Variants in MACROD2 observed in about 807,000 individuals in gnomAD.
MACROD2 encodes the protein ADP-ribose glycohydrolase MACROD2.
In MACROD2, 36 loss-of-function variants were observed where a neutral mutation model predicts 70.4. That is an observed-to-expected ratio of 0.51 (90% CI 0.39 to 0.68). The LOEUF is 0.68. MACROD2 is among the 30% of genes least tolerant of loss of function. MACROD2 has a pLI of 0.00. For synonymous variants in MACROD2, 172 were observed against 178.8 expected, an observed-to-expected ratio of 0.96 and a Z score of 0.30; for missense variants, 496 against 538.4, an observed-to-expected ratio of 0.92 and a Z score of 0.78.
intron 3 of MACROD2, among the ~76,000 whole-genome samples, chr20:14,317,278 G>A (rs1281065342): frequency 6.6e-6 from 1 of 151,926 alleles, no homozygotes; most frequent in East Asian, 1.9e-4. Flanking sequence ...CTCTTTCATG[G>A]TACCTATCAT....
intron 3 of MACROD2, among the ~76,000 whole-genome samples, chr20:14,100,467 A>G (rs947153053): frequency 2.0e-4 from 30 of 149,974 alleles, no homozygotes; most frequent in African/African-American, 6.8e-4. Flanking sequence ...TTTTCCAACT[A>G]TAACACTGAT....
chr20:15,079,596 A>G (rs1208596906), intron 5 of MACROD2, among the ~76,000 whole-genome samples: 1 of 151,626 alleles, frequency 6.6e-6, no homozygotes, highest in African/African-American at 2.4e-5. Flanking sequence ...CTTAACATTC[A>G]CACCTCCCTG....
chr20:15,934,929 T>A (rs1266041835), intron 11 of MACROD2, among the ~76,000 whole-genome samples: 1 of 152,086 alleles, frequency 6.6e-6, no homozygotes, highest in Non-Finnish European at 1.5e-5. Context: ...TCTCAAGTGA[T>A]CTGCCCGCCT....
At chr20:15,678,195 T>C (rs2050097881) in intron 8 of MACROD2, among the ~76,000 whole-genome samples, 1 of 152,176 alleles carries the variant, frequency 6.6e-6, no homozygotes, top group African/African-American at 2.4e-5. Flanking sequence ...ATTGAATTAG[T>C]GTGTAAACCA....
intron 5 of MACROD2, among the ~76,000 whole-genome samples, chr20:15,080,139 T>TA (rs975798907): frequency 8.5e-5 from 12 of 141,194 alleles, no homozygotes; most frequent in South Asian, 4.4e-4. Flanking sequence ...AATAAATAAA[T>TA]AAATAAATAA....
intron 6 of MACROD2, among the ~76,000 whole-genome samples, chr20:15,322,496 G>T (rs762361044): frequency 2.8e-5 from 4 of 144,070 alleles, no homozygotes; most frequent in African/African-American, 7.4e-5. Flanking sequence ...GGAAACCCTA[G>T]TTCTTTATTG....
intron 8 of MACROD2, among the ~76,000 whole-genome samples, chr20:15,514,412 A>C (rs535737055): frequency 2.0e-5 from 3 of 152,316 alleles, no homozygotes; most frequent in Non-Finnish European, 4.4e-5. Context: ...ATGTTCAGAT[A>C]TGTTTAGATA....
At chr20:14,803,641 T>A (rs979359660) in intron 5 of MACROD2, among the ~76,000 whole-genome samples, 2 of 151,834 alleles carry the variant, frequency 1.3e-5, no homozygotes, top group Admixed American at 1.3e-4. Flanking sequence ...CCACCACACC[T>A]GGCTAATTTT....
At chr20:14,851,285 G>A (rs73266767) in intron 5 of MACROD2, among the ~76,000 whole-genome samples, 4,134 of 152,088 alleles carry the variant, frequency 0.027, 193 homozygotes, top group African/African-American at 0.094. Context: ...CAAATTAACC[G>A]TCCTCTTTCA....
intron 4 of MACROD2, among the ~76,000 whole-genome samples, chr20:14,523,173 A>G (rs1242549329): frequency 1.3e-5 from 2 of 152,292 alleles, no homozygotes; most frequent in Admixed American, 6.5e-5. Flanking sequence ...GCAAAGGGAT[A>G]GTTACAACTC....
chr20:15,182,741 A>G (rs1312586095), intron 5 of MACROD2, among the ~76,000 whole-genome samples: 1 of 152,134 alleles, frequency 6.6e-6, no homozygotes, highest in Non-Finnish European at 1.5e-5. Flanking sequence ...CTTTTACAAA[A>G]TTCATTCATT....
chr20:14,476,735 A>T (rs972452875), intron 3 of MACROD2, among the ~76,000 whole-genome samples: 3 of 152,236 alleles, frequency 2.0e-5, no homozygotes, highest in Non-Finnish European at 2.9e-5. Context: ...AGAAACAGTG[A>T]GCAATATCTG....
chr20:14,211,131 G>A (rs1180231326), intron 3 of MACROD2, among the ~76,000 whole-genome samples: 2 of 152,160 alleles, frequency 1.3e-5, no homozygotes, highest in African/African-American at 4.8e-5. Flanking sequence ...TATACATTGT[G>A]GATTCCTTTA....
At chr20:14,578,388 A>C (rs1014469849) in intron 4 of MACROD2, among the ~76,000 whole-genome samples, 2 of 152,106 alleles carry the variant, frequency 1.3e-5, no homozygotes, top group Non-Finnish European at 2.9e-5. Flanking sequence ...TTTATTTTGT[A>C]TATTGTAGGC....
chr20:14,732,616 G>A (rs780427171), intron 5 of MACROD2, among the ~76,000 whole-genome samples: 12 of 152,114 alleles, frequency 7.9e-5, no homozygotes, highest in Non-Finnish European at 1.5e-4. Flanking sequence ...AAGGAAAGTC[G>A]ATGTTTTAGC....
chr20:14,814,105 TC>T (rs1449773961), intron 5 of MACROD2, among the ~76,000 whole-genome samples: 2 of 152,112 alleles, frequency 1.3e-5, no homozygotes, highest in African/African-American at 4.8e-5. Context: ...CAATATCATA[TC>T]CCTGCAGCCA....
chr20:15,313,429 C>T (rs13044795), intron 6 of MACROD2, among the ~76,000 whole-genome samples: 2,723 of 150,460 alleles, frequency 0.018, 38 homozygotes, highest in Non-Finnish European at 0.024. Context: ...ATGGCATGAT[C>T]CTGGGAGACG....
Position 15,095,121 on chromosome 20 carries a change from G to A in MACROD2, c.419-134819G>A, listed in dbSNP as rs1283240718. 2.2e-5 allele frequency among the ~76,000 whole-genome samples: 3 copies of A among 137,800 alleles called. No homozygotes were observed. The East Asian group carries it at 6.8e-4, about 31-fold the overall frequency. The allele number at this position is 137,800 out of a possible 152,430, so 90.4% of individuals were successfully genotyped here. On this transcript the variant is annotated intron_variant, in intron 5 of 17. Transcript: ENST00000684519. ...AGACAGAGTCTCGCTCTGTCGTCCA[G>A]GCTGGAGTGCAGTGATGTGATCTCG...
intron 6 of MACROD2, among the ~76,000 whole-genome samples, chr20:15,373,969 A>G (rs1233508534): frequency 6.6e-6 from 1 of 151,696 alleles, no homozygotes; most frequent in African/African-American, 2.4e-5. Flanking sequence ...TTTGATGTTC[A>G]TTCTTTTGTT....
Sources: allele counts gnomAD v4.1 joint callset (sites outside exome capture counted in the v4.1 genomes callset), GRCh38; gene constraint gnomAD v4.1.1; transcripts MANE v1.5; gene names NCBI Gene and HGNC (gene_info 2026-07-23, HGNC 2026-07-21).